Variants in ROBO2 observed in about 807,000 individuals in gnomAD.
The protein encoded by ROBO2 is roundabout guidance receptor 2.
Under a neutral mutation model 160.8 loss-of-function variants are expected in ROBO2, and 53 were observed. The observed-to-expected ratio is 0.33, with a 90% CI of 0.26 to 0.41. ROBO2 has a LOEUF of 0.41. Ranked by LOEUF, ROBO2 falls within the 10% of genes least tolerant of loss-of-function variation. The pLI is 1.00. For synonymous variants in ROBO2, 664 were observed against 611.7 expected, an observed-to-expected ratio of 1.09 and a Z score of -1.26; for missense variants, 1,577 against 1,722.4, an observed-to-expected ratio of 0.92 and a Z score of 1.49.
chr3:76,448,702 T>C (rs1478928330), intron 2 of ROBO2, among the ~76,000 whole-genome samples: 1 of 152,220 alleles, frequency 6.6e-6, no homozygotes, highest in Non-Finnish European at 1.5e-5. Flanking sequence ...AAACTTCCTC[T>C]TAGCTAAGTT....
intron 2 of ROBO2, among the ~76,000 whole-genome samples, chr3:76,649,313 A>G (rs1023359654): frequency 6.6e-6 from 1 of 152,178 alleles, no homozygotes; most frequent in Non-Finnish European, 1.5e-5. Context: ...GTTGTCCTAC[A>G]GATTAATACT....
intron 2 of ROBO2, among the ~76,000 whole-genome samples, chr3:76,001,955 T>A (rs1434646280): frequency 6.6e-6 from 1 of 152,218 alleles, no homozygotes; most frequent in Non-Finnish European, 1.5e-5. Context: ...AATCATAGAT[T>A]GATGGAAATT....
intron 2 of ROBO2, among the ~76,000 whole-genome samples, chr3:77,015,985 TA>T (rs1257993766): frequency 1.3e-5 from 2 of 152,072 alleles, no homozygotes; most frequent in Non-Finnish European, 2.9e-5. Flanking sequence ...TTTTTATTTT[TA>T]TTTTTTTTGA....
intron 2 of ROBO2, among the ~76,000 whole-genome samples, chr3:76,657,388 G>A (rs2091586157): frequency 6.6e-6 from 1 of 150,470 alleles, no homozygotes; most frequent in Non-Finnish European, 1.5e-5. Flanking sequence ...TCGCGCCCCT[G>A]CACTCCAGCC....
At chr3:77,423,218 T>G (rs1387784820) in intron 2 of ROBO2, among the ~76,000 whole-genome samples, 1 of 152,168 alleles carries the variant, frequency 6.6e-6, no homozygotes, top group Non-Finnish European at 1.5e-5. Context: ...GTTTCTAATA[T>G]GCTTTTCAGA....
intron 2 of ROBO2, among the ~76,000 whole-genome samples, chr3:77,467,113 T>C (rs2082847275): frequency 6.6e-6 from 1 of 152,168 alleles, no homozygotes; most frequent in Non-Finnish European, 1.5e-5. Context: ...TGCAGCACAT[T>C]AATATGTACT....
At chr3:76,080,403 A>G (rs2068785948) in intron 2 of ROBO2, among the ~76,000 whole-genome samples, 1 of 152,176 alleles carries the variant, frequency 6.6e-6, no homozygotes, top group Non-Finnish European at 1.5e-5. Flanking sequence ...CTTGTGCGGG[A>G]CTTCGGGTGG....
At chr3:75,930,553 C>A (rs1470761755) in intron 1 of ROBO2, among the ~76,000 whole-genome samples, 1 of 152,194 alleles carries the variant, frequency 6.6e-6, no homozygotes, top group Admixed American at 6.5e-5. Flanking sequence ...CATACTCTCT[C>A]TAAGCTCTAA....
rs576234720 is a variant in ROBO2, at chr3:76,965,491, C to T, written c.110-132523C>T. Among the ~76,000 whole-genome samples the T allele has an allele frequency of 8.6e-4, 131 of 152,234 alleles. 2 individuals carry two copies. Among genetic ancestry groups the T allele is most frequent in the African/African-American group, 2.9e-3 (120 of 41,544 alleles). ...GCTGCCCCTGACTAAACAGCAGAAC[C>T]AGTTCCCTACTGAAGGGAAATTGCG... On this transcript the variant is annotated intron_variant, in intron 2 of 26. Coordinates refer to the ROBO2 transcript ENST00000487694.
At chr3:77,017,936 C>T (rs146215506) in intron 2 of ROBO2, among the ~76,000 whole-genome samples, 55 of 152,142 alleles carry the variant, frequency 3.6e-4, no homozygotes, top group African/African-American at 1.2e-3. Flanking sequence ...TAAATAACTC[C>T]CACATGCTTG....
At chr3:77,427,448 C>T (rs1191225575) in intron 2 of ROBO2, among the ~76,000 whole-genome samples, 17 of 152,138 alleles carry the variant, frequency 1.1e-4, no homozygotes, top group Admixed American at 5.2e-4. Flanking sequence ...TAGAAGTTCA[C>T]GTATCTCATA....
intron 2 of ROBO2, among the ~76,000 whole-genome samples, chr3:76,268,521 T>C (rs984629814): frequency 1.3e-5 from 2 of 152,280 alleles, no homozygotes; most frequent in Admixed American, 1.3e-4. Flanking sequence ...TGTTGTGTCC[T>C]CACATGGTCT....
At chr3:76,607,333 T>C (rs1053618437) in intron 2 of ROBO2, among the ~76,000 whole-genome samples, 14 of 152,236 alleles carry the variant, frequency 9.2e-5, no homozygotes, top group Non-Finnish European at 2.1e-4. Flanking sequence ...CAAGCTTCCA[T>C]TTCATTTTTA....
intron 2 of ROBO2, among the ~76,000 whole-genome samples, chr3:76,847,289 G>A (rs1169261125): frequency 2.0e-5 from 3 of 152,132 alleles, no homozygotes; most frequent in African/African-American, 7.2e-5. Context: ...CAGCTGTGAG[G>A]ATGGGTTTAA....
At chr3:76,752,731 A>G (rs1318793250) in intron 2 of ROBO2, among the ~76,000 whole-genome samples, 1 of 151,876 alleles carries the variant, frequency 6.6e-6, no homozygotes, top group Non-Finnish European at 1.5e-5. Flanking sequence ...AAAATTAAAC[A>G]TGTTTCTTTA....
At chr3:76,270,386 T>A (rs1707358243) in intron 2 of ROBO2, among the ~76,000 whole-genome samples, 1 of 152,072 alleles carries the variant, frequency 6.6e-6, no homozygotes, top group African/African-American at 2.4e-5. Flanking sequence ...GTTTATATAT[T>A]GCAGCAAAGA....
intron 2 of ROBO2, among the ~76,000 whole-genome samples, chr3:76,692,817 G>T (rs2092831081): frequency 1.3e-5 from 2 of 151,746 alleles, no homozygotes; most frequent in Admixed American, 1.3e-4. Context: ...AATTCTCTTT[G>T]ATAGAGAAAT....
chr3:76,286,482 G>A (rs1279556535), intron 2 of ROBO2, among the ~76,000 whole-genome samples: 1 of 152,110 alleles, frequency 6.6e-6, no homozygotes, highest in African/African-American at 2.4e-5. Flanking sequence ...TAAAAAAAGA[G>A]GGACAATATT....
chr3:76,182,627 T>C (rs1192357612), intron 2 of ROBO2, among the ~76,000 whole-genome samples: 1 of 152,062 alleles, frequency 6.6e-6, no homozygotes, highest in East Asian at 1.9e-4. Flanking sequence ...GTGAATTACA[T>C]TGTGCTCTCT....
Sources: gnomAD v4.1 joint callset for allele counts (sites outside exome capture counted in the v4.1 genomes callset) on GRCh38, gnomAD v4.1.1 for gene constraint, MANE v1.5 for transcripts, NCBI Gene and HGNC (gene_info 2026-07-23, HGNC 2026-07-21) for gene names.